Variants in SYNPR observed in about 807,000 individuals in gnomAD.
The protein encoded by SYNPR is synaptoporin.
SYNPR carries 23 observed loss-of-function variants against 32.9 expected under a neutral mutation model. The observed-to-expected ratio is 0.70, with a 90% CI of 0.50 to 0.99. The LOEUF is 0.99. Ranked by LOEUF, SYNPR falls within the 50% of genes least tolerant of loss-of-function variation. The pLI, the probability that SYNPR is intolerant of heterozygous loss-of-function variation, is 0.00. For missense variants in SYNPR, 318 were observed against 349.3 expected (o/e 0.91, Z 0.71); for synonymous variants, 146 against 135.9 (o/e 1.07, Z -0.52).
chr3:63,562,442 T>A (rs1185482226), intron 4 of SYNPR, among the ~76,000 whole-genome samples: 1 of 152,248 alleles, frequency 6.6e-6, no homozygotes, highest in East Asian at 1.9e-4. Flanking sequence ...ACCTTAAGAT[T>A]TTGTGTAAAA....
At chr3:63,205,740 C>A in the SYNPR span, among the ~76,000 whole-genome samples, 1 of 152,286 alleles carries the variant, frequency 6.6e-6, no homozygotes, top group African/African-American at 2.4e-5. Context: ...ATTTTCATAA[C>A]CTGTACGCAC....
At chr3:63,409,169 C>CT (rs2088428308) in intron 2 of SYNPR, among the ~76,000 whole-genome samples, 1 of 152,080 alleles carries the variant, frequency 6.6e-6, no homozygotes, top group African/African-American at 2.4e-5. Flanking sequence ...CTCAAAAGCC[C>CT]TTTTTTTCTC....
Position 63,595,740 on chromosome 3 carries a change from TATATATATATATATA to T in SYNPR, c.409-13384_409-13370del, listed in dbSNP as rs1559546152. Among the ~76,000 whole-genome samples, 28 of 45,416 alleles carry T rather than the reference TATATATATATATATA, an allele frequency of 6.2e-4. 1 individual carries two copies. The highest frequency in any genetic ancestry group is 6.0e-3 in the African/African-American group (28 of 4,700). The allele number at this position is 45,416 out of a possible 152,430, so 29.8% of individuals were successfully genotyped here. A position where few individuals can be genotyped will look rare whatever the true frequency, so the allele number is the denominator to read the frequency against. ...TTTTATATATATATATATATATATA[TATATATATATATATA>T]TATATATATATATAATTTTATATAT... On this transcript the variant is annotated intron_variant, in intron 4 of 5. Transcript: ENST00000478300.
Position 63,257,405 on chromosome 3 carries a change from G to T in SYNPR, n.154+4819G>T, listed in dbSNP as rs12634487. 3.0e-4 allele frequency among the ~76,000 whole-genome samples: 45 copies of T among 152,266 alleles called. No homozygotes were observed. The East Asian group carries it at 8.7e-3, about 29-fold the overall frequency. ...CTCTACAAGCCAGACGAAAGAGGAG[G>T]CCAATATTCAACATTCTTAAAGAAA... On this transcript the variant is annotated intron_variant and non_coding_transcript_variant, in intron 2 of 4. Transcript: ENST00000478456.
At chr3:63,342,567 C>T (rs1416444463) in intron 2 of SYNPR, among the ~76,000 whole-genome samples, 1 of 152,114 alleles carries the variant, frequency 6.6e-6, no homozygotes, top group Non-Finnish European at 1.5e-5. Flanking sequence ...AGATATTGGT[C>T]TTTAATTTTT....
chr3:63,488,168 G>A (rs1352311502), intron 3 of SYNPR, among the ~76,000 whole-genome samples: 9 of 152,130 alleles, frequency 5.9e-5, no homozygotes, highest in Admixed American at 5.9e-4. Flanking sequence ...AGCCAATTTG[G>A]GGAAAATAAA....
At chr3:63,467,308 C>T (rs1700703350) in intron 2 of SYNPR, among the ~76,000 whole-genome samples, 1 of 152,174 alleles carries the variant, frequency 6.6e-6, no homozygotes, top group Non-Finnish European at 1.5e-5. Context: ...CAGTAGTGTT[C>T]TTAAAGAATG....
intron 3 of SYNPR, among the ~76,000 whole-genome samples, chr3:63,536,502 G>T (rs1220373128): frequency 6.6e-6 from 1 of 152,134 alleles, no homozygotes; most frequent in Non-Finnish European, 1.5e-5. Context: ...CTCTTACATT[G>T]CTAGTGGGAT....
At chr3:63,341,298 A>G (rs1248030671) in intron 2 of SYNPR, among the ~76,000 whole-genome samples, 1 of 152,220 alleles carries the variant, frequency 6.6e-6, no homozygotes, top group Non-Finnish European at 1.5e-5. Context: ...ATTGAAGGAC[A>G]TCTTGTTTGC....
chr3:63,406,213 A>G (rs1034616547), intron 2 of SYNPR, among the ~76,000 whole-genome samples: 1 of 152,030 alleles, frequency 6.6e-6, no homozygotes, highest in African/African-American at 2.4e-5. Context: ...TTTAAAAAAA[A>G]AAAAAGCCAC....
At chr3:63,301,073 T>A (rs1266006606) in intron 2 of SYNPR, among the ~76,000 whole-genome samples, 1 of 152,172 alleles carries the variant, frequency 6.6e-6, no homozygotes, top group Non-Finnish European at 1.5e-5. Context: ...GGCTTGAATC[T>A]TTCTTCCCCT....
At chr3:63,357,321 G>A (rs2087596425) in intron 2 of SYNPR, among the ~76,000 whole-genome samples, 1 of 151,960 alleles carries the variant, frequency 6.6e-6, no homozygotes, top group South Asian at 2.1e-4. Context: ...CCTGGAGCAT[G>A]GCCTTTCTCT....
In SYNPR at chr3:63,386,146, A is replaced by G. The variant is rs1220628034; in HGVS notation, c.85-94686A>G. On this transcript the variant is annotated intron_variant, in intron 2 of 5. Transcript: ENST00000478300. ...GAGTGCTAACTACAAATGAGGGTCC[A>G]TGGGCGTCAGCATCACACCCTCCTC... 2.6e-5 allele frequency among the ~76,000 whole-genome samples: 4 copies of G among 152,344 alleles called. No individual in the cohort carries two copies. In the East Asian group the frequency reaches 7.7e-4, roughly 29 times the overall value.
intron 2 of SYNPR, among the ~76,000 whole-genome samples, chr3:63,283,366 G>A (rs1055311467): frequency 6.6e-6 from 1 of 152,052 alleles, no homozygotes; most frequent in Non-Finnish European, 1.5e-5. Flanking sequence ...AAGACTTGCA[G>A]GCAAAACTCC....
chr3:63,510,539 T>A (rs1263923893), intron 3 of SYNPR, among the ~76,000 whole-genome samples: 1 of 151,848 alleles, frequency 6.6e-6, no homozygotes, highest in Non-Finnish European at 1.5e-5. Context: ...AAAGAGAGGG[T>A]TCCTAAATCA....
In SYNPR at chr3:63,231,108, G is replaced by A. The variant is rs1209307829; in HGVS notation, n.66+2728G>A. On this transcript the variant is annotated intron_variant and non_coding_transcript_variant, in intron 1 of 4. Coordinates refer to the SYNPR transcript ENST00000478456. ...TATGGAACCAACCTAAGTGCCCATC[G>A]ACCAACAAGTGGATAAAGGAAATGT... 1.2e-4 allele frequency among the ~76,000 whole-genome samples: 18 copies of A among 152,072 alleles called. 1 individual carries two copies. The highest frequency in any genetic ancestry group is 1.0e-3 in the Admixed American group (16 of 15,250).
intron 2 of SYNPR, among the ~76,000 whole-genome samples, chr3:63,480,283 C>T (rs1453577645): frequency 6.6e-6 from 1 of 152,200 alleles, no homozygotes; most frequent in African/African-American, 2.4e-5. Flanking sequence ...CTGAAATATA[C>T]TGAGATCTTG....
intron 2 of SYNPR, among the ~76,000 whole-genome samples, chr3:63,313,734 T>TATATATATATCC (rs1203041299): frequency 3.1e-5 from 1 of 31,990 alleles, no homozygotes; most frequent in Non-Finnish European, 5.2e-5. Context: ...TATATATCCA[T>TATATATATATCC]ATATATATAT....
At chr3:63,384,019 A>G (rs1473282880) in intron 2 of SYNPR, among the ~76,000 whole-genome samples, 1 of 152,256 alleles carries the variant, frequency 6.6e-6, no homozygotes, top group Non-Finnish European at 1.5e-5. Context: ...TTGATCAAAC[A>G]TCTAATGACA....
Sources: gnomAD v4.1 joint callset for allele counts (sites outside exome capture counted in the v4.1 genomes callset) on GRCh38, gnomAD v4.1.1 for gene constraint, MANE v1.5 for transcripts, NCBI Gene and HGNC (gene_info 2026-07-23, HGNC 2026-07-21) for gene names.